The following SFRP4 variants were observed in gnomAD, a reference collection of about 807,000 sequenced individuals.
SFRP4 encodes secreted frizzled-related protein 4.
In SFRP4, 25 loss-of-function variants were observed where a neutral mutation model predicts 36.3. The observed-to-expected ratio is 0.69, with a 90% CI of 0.50 to 0.96. The LOEUF (loss-of-function observed/expected upper bound fraction) is 0.96, where lower values mean the gene tolerates loss of function less well. Among genes scored for constraint, SFRP4 ranks in the 40% least tolerant of loss-of-function variants. SFRP4 has a pLI of 0.00. For synonymous variants in SFRP4, 182 were observed against 168.8 expected, an observed-to-expected ratio of 1.08 and a Z score of -0.60; for missense variants, 487 against 459.6, an observed-to-expected ratio of 1.06 and a Z score of -0.54.
In SFRP4 at chr7:37,916,449, G is replaced by C. The variant is rs1312883273; in HGVS notation, c.89C>G (p.Pro30Arg). The change falls in exon 1 of 6, where the codon CCT (proline) becomes CGT (arginine). Residue 30 changes from proline to arginine, a missense_variant. Coordinates refer to ENST00000436072, the MANE Select transcript of SFRP4 (RefSeq NM_003014.4). This position sits in a 1 kb window ranked among gnomAD's most constrained non-coding sequence, Gnocchi z 4.1. ...GTTCCAGGGCATGTGCCGGCACATA[G>C]GGATGCGCACCGCCTCGCAGGGCGC... is the stretch of plus-strand genomic sequence containing the variant. ...RGAPCEAVRI[P>R]MCRHMPWNIT... The C allele has an allele frequency of 6.2e-7, 1 of 1,613,782 alleles. No individual in the cohort carries two copies.
Position 37,916,695 on chromosome 7 carries a change from G to C in SFRP4, c.-158C>G, listed in dbSNP as rs899813396. 37 of 1,172,558 alleles carry C rather than the reference G, an allele frequency of 3.2e-5. No homozygotes were observed. The highest frequency in any genetic ancestry group is 4.0e-5 in the Non-Finnish European group (34 of 856,920). The allele number at this position is 1,172,558 out of a possible 1,614,324, so 72.6% of individuals were successfully genotyped here. A position where few individuals can be genotyped will look rare whatever the true frequency, so the allele number is the denominator to read the frequency against. ...CAGTCGGCAGCAAAGCGGGGCCGCGGGGTCCGGCCGCGGAGCTCCGCCGTC... is the reference window on the plus strand; with the variant it reads ...CAGTCGGCAGCAAAGCGGGGCCGCGCGGTCCGGCCGCGGAGCTCCGCCGTC... On this transcript the variant is annotated 5_prime_UTR_variant, in exon 1 of 6. Transcript: ENST00000436072. The surrounding 1 kb of genome is among the most constrained non-coding windows in gnomAD (Gnocchi z 4.1).
chr7:37,907,662 C>T lies in SFRP4; in HGVS notation c.858G>A (p.Gln286=). The T allele has an allele frequency of 1.2e-6, 2 of 1,605,802 alleles. No homozygotes were observed. Among genetic ancestry groups the T allele is most frequent in the Non-Finnish European group, 1.7e-6 (2 of 1,176,606 alleles). ...WRDQLSKRSI[Q]WEERLQEQRR... is the part of the protein sequence containing the mutation. ...GCTGTTCCTGCAGCCTCTCTTCCCA[C>T]TGCTGAAAAGCAATTTGTAAACATG... Residue 286 remains glutamine, a splice_region_variant and synonymous_variant, in exon 6 of 6, where the codon CAG becomes CAA. Coordinates refer to ENST00000436072, the MANE Select transcript of SFRP4 (RefSeq NM_003014.4).
chr7:37,909,391 A>G (rs1401021531), intron 5 of SFRP4, among the ~76,000 whole-genome samples: 1 of 152,184 alleles, frequency 6.6e-6, no homozygotes, highest in East Asian at 1.9e-4. Flanking sequence ...GTACCTTAGT[A>G]TTGAACACAA....
intron 4 of SFRP4, among the ~76,000 whole-genome samples, chr7:37,910,439 C>T (rs556172933): frequency 1.1e-4 from 16 of 151,510 alleles, no homozygotes; most frequent in Admixed American, 2.6e-4. Context: ...TTTTTCATAT[C>T]TTTTCAAGTA....
At chr7:37,914,944 T>C in intron 1 of SFRP4, among the ~76,000 whole-genome samples, 1 of 152,220 alleles carries the variant, frequency 6.6e-6, no homozygotes, top group Non-Finnish European at 1.5e-5. Context: ...CATAATGATA[T>C]CCAGGGCTTA....
chr7:37,907,494 G>A lies in SFRP4; in HGVS notation c.1026C>T (p.Asn342=). Residue 342 remains asparagine, a synonymous_variant, in exon 6 of 6, where the codon AAC becomes AAT. Transcript: ENST00000436072. ...ACTAGTTAGCTCACACTCTTTTCGG[G>A]TTTGTTCTCTTCTGGGCACTCCTAG... is the stretch of plus-strand genomic sequence containing the variant. ...IKTRSAQKRT[N]PKRV 5 of 1,613,304 alleles carry A rather than the reference G, an allele frequency of 3.1e-6. No homozygotes were observed. Among genetic ancestry groups the A allele is most frequent in the Admixed American group, 1.7e-5 (1 of 59,882 alleles).
At chr7:37,908,873 T>C (rs1349565550) in intron 5 of SFRP4, among the ~76,000 whole-genome samples, 1 of 152,222 alleles carries the variant, frequency 6.6e-6, no homozygotes, top group African/African-American at 2.4e-5. Context: ...CAATTGTTAA[T>C]ATGTACTTTT....
rs1287593853 is a variant in SFRP4 at position 37,906,689 on chromosome 7, C to T, written c.*790G>A. ...TTAGCCAACTAATTAGTACCTAACT[C>T]CTAATGGTACAGACAAACTCACTGT... On this transcript the variant is annotated 3_prime_UTR_variant, in exon 6 of 6. Transcript: ENST00000436072. The T allele has an allele frequency of 6.6e-6, 1 of 152,118 alleles. No individual in the cohort carries two copies. The highest frequency in any genetic ancestry group is 2.4e-5 in the African/African-American group (1 of 41,428). The allele number at this position is 152,118 out of a possible 1,614,324, so 9.4% of individuals were successfully genotyped here.
chr7:37,912,145 G>A lies in SFRP4; in HGVS notation c.765C>T (p.Leu255=). The change falls in exon 4 of 6, where the codon CTC becomes CTT. Residue 255 remains leucine (L), a synonymous_variant. Transcript: ENST00000436072. ...TTGAGCGCCACTCGTAACACATGAT[G>A]AGAACATCTTGATGGGGCAGGATGT... ...CPHILPHQDV[L]IMCYEWRSRM... 6.2e-7 allele frequency: 1 copy of A among 1,614,130 alleles called. No homozygotes were observed. Among genetic ancestry groups the A allele is most frequent in the Non-Finnish European group, 8.5e-7 (1 of 1,179,976 alleles).
chr7:37,911,699 A>T (rs1785489951), intron 4 of SFRP4, among the ~76,000 whole-genome samples: 1 of 152,196 alleles, frequency 6.6e-6, no homozygotes, highest in South Asian at 2.1e-4. Context: ...ATCAAATATT[A>T]TGAAGTGTTT....
chr7:37,911,458 CTT>C (rs932459870), intron 4 of SFRP4, among the ~76,000 whole-genome samples: 3 of 151,980 alleles, frequency 2.0e-5, no homozygotes, highest in African/African-American at 7.3e-5. Context: ...AAGAGTTTGA[CTT>C]TATATTACAA....
Position 37,916,699 on chromosome 7 carries a change from C to G in SFRP4, c.-162G>C. ...CGGCAGCAAAGCGGGGCCGCGGGGTCCGGCCGCGGAGCTCCGCCGTCTGGC... is the reference window on the plus strand; with the variant it reads ...CGGCAGCAAAGCGGGGCCGCGGGGTGCGGCCGCGGAGCTCCGCCGTCTGGC... On this transcript the variant is annotated 5_prime_UTR_variant, in exon 1 of 6. Coordinates refer to ENST00000436072, the MANE Select transcript of SFRP4 (RefSeq NM_003014.4). This position sits in a 1 kb window ranked among gnomAD's most constrained non-coding sequence, Gnocchi z 4.1. 8.7e-7 allele frequency: 1 copy of G among 1,143,122 alleles called. No homozygotes were observed. Among genetic ancestry groups the G allele is most frequent in the South Asian group, 1.6e-5 (1 of 62,190 alleles). The allele number at this position is 1,143,122 out of a possible 1,614,324, so 70.8% of individuals were successfully genotyped here.
At chr7:37,911,469 A>G (rs1162464954) in intron 4 of SFRP4, among the ~76,000 whole-genome samples, 1 of 152,254 alleles carries the variant, frequency 6.6e-6, no homozygotes, top group Admixed American at 6.5e-5. Context: ...TTTATATTAC[A>G]AGTAATGTAC....
intron 3 of SFRP4, 117 bp from the exon 4 acceptor site, chr7:37,912,434 T>C: frequency 1.2e-6 from 1 of 801,488 alleles, no homozygotes; most frequent in Non-Finnish European, 2.0e-6. Context: ...ATTATGGTTA[T>C]GTCCAAGTGG....
rs919986521 is a variant in SFRP4 at position 37,906,579 on chromosome 7, A to G, written c.*900T>C. 18 of 152,214 alleles carry G rather than the reference A, an allele frequency of 1.2e-4. No individual in the cohort carries two copies. Among genetic ancestry groups the G allele is most frequent in the African/African-American group, 4.3e-4 (18 of 41,460 alleles). The allele number at this position is 152,214 out of a possible 1,614,324, so 9.4% of individuals were successfully genotyped here. ...GGCACTCACATGAAGGCCATTTTTA[A>G]GCTTGTCAAATTATTCTCAGGGTGG... On this transcript the variant is annotated 3_prime_UTR_variant, in exon 6 of 6. Transcript: ENST00000436072.
chr7:37,909,447 TG>T (rs990616634), intron 5 of SFRP4, among the ~76,000 whole-genome samples, 169 bp downstream of exon 5: 7 of 152,192 alleles, frequency 4.6e-5, no homozygotes, highest in African/African-American at 1.7e-4. Flanking sequence ...GTAAAAATTC[TG>T]AGTGAGAATA....
At position 37,913,789 on chromosome 7, in the gene SFRP4, A is replaced by G. The variant is rs1342933999; in HGVS notation, c.592+424T>C. On this transcript the variant is annotated intron_variant, in intron 3 of 5. Coordinates refer to ENST00000436072, the MANE Select transcript of SFRP4 (RefSeq NM_003014.4). The stretch of plus-strand genomic sequence containing the variant: ...GTAAAAGGATATGCAGGCAGATCTT[A>G]ATTGTCTGGGCCTATGGGCCTTAAT... Among the ~76,000 whole-genome samples, 4 of 152,354 alleles carry G rather than the reference A, an allele frequency of 2.6e-5. No homozygotes were observed. In the East Asian group the frequency reaches 7.7e-4, roughly 29 times the overall value.
At position 37,916,433 on chromosome 7, in the gene SFRP4, C is replaced by T; in HGVS notation, c.105G>A (p.Met35Ile). The T allele has an allele frequency of 6.2e-7, 1 of 1,614,038 alleles. No homozygotes were observed. Among genetic ancestry groups the T allele is most frequent in the South Asian group, 1.1e-5 (1 of 91,074 alleles). Residue 35 changes from methionine (M) to isoleucine (I), a missense_variant, in exon 1 of 6, where the codon ATG becomes ATA. Coordinates refer to ENST00000436072, the MANE Select transcript of SFRP4 (RefSeq NM_003014.4). The surrounding 1 kb of genome is among the most constrained non-coding windows in gnomAD (Gnocchi z 4.1). The part of the protein sequence containing the change: ...EAVRIPMCRH[M>I]PWNITRMPNH... ...TGGGCATCCGCGTGATGTTCCAGGG[C>T]ATGTGCCGGCACATAGGGATGCGCA...
At chr7:37,913,317 T>A (rs530292816) in intron 3 of SFRP4, among the ~76,000 whole-genome samples, 26 of 152,228 alleles carry the variant, frequency 1.7e-4, no homozygotes, top group Non-Finnish European at 3.4e-4. Flanking sequence ...TCCTCCTACT[T>A]TCATGTCTGA....
Sources: gnomAD v4.1 joint callset for allele counts (sites outside exome capture counted in the v4.1 genomes callset) on GRCh38, gnomAD v4.1.1 for gene constraint, Gnocchi (gnomAD v3.1) non-coding constraint, MANE v1.5 for transcripts, NCBI Gene and HGNC (gene_info 2026-07-23, HGNC 2026-07-21) for gene names.